CNTN4: variants seen among roughly 807,000 people sequenced by gnomAD.
The protein encoded by CNTN4 is contactin 4.
A neutral mutation model predicts 122.5 loss-of-function variants in CNTN4; 77 were observed. The observed-to-expected ratio is 0.63, with a 90% CI of 0.52 to 0.76. CNTN4 has a LOEUF of 0.76. Ranked by LOEUF, CNTN4 falls within the 30% of genes least tolerant of loss-of-function variation. CNTN4 has a pLI of 0.00. For missense variants in CNTN4, 1,256 were observed against 1,259.1 expected (o/e 1.00, Z 0.04); for synonymous variants, 512 against 447.0 (o/e 1.15, Z -1.83).
At chr3:2,166,493 T>C (rs143377332) in intron 2 of CNTN4, among the ~76,000 whole-genome samples, 8 of 152,186 alleles carry the variant, frequency 5.3e-5, no homozygotes, top group African/African-American at 1.9e-4. Context: ...ACAGCCAAAT[T>C]TGGTAACCTG....
chr3:2,246,436 A>G (rs918886874), intron 2 of CNTN4, among the ~76,000 whole-genome samples: 1 of 152,002 alleles, frequency 6.6e-6, no homozygotes, highest in Non-Finnish European at 1.5e-5. Flanking sequence ...TTGAGTAATA[A>G]AATTGCTGTG....
chr3:2,707,305 CAA>C (rs368979927), intron 4 of CNTN4, among the ~76,000 whole-genome samples: 8 of 138,762 alleles, frequency 5.8e-5, no homozygotes, highest in African/African-American at 2.1e-4. Flanking sequence ...GACCATGTCT[CAA>C]AAAAAAAAAC....
chr3:2,419,211 G>A (rs905375747), intron 3 of CNTN4, among the ~76,000 whole-genome samples: 4 of 152,126 alleles, frequency 2.6e-5, no homozygotes, highest in African/African-American at 9.7e-5. Flanking sequence ...CCTGACATGA[G>A]TTACATACCA....
intron 2 of CNTN4, among the ~76,000 whole-genome samples, chr3:2,325,714 C>A (rs2043431339): frequency 6.6e-6 from 1 of 152,188 alleles, no homozygotes; most frequent in Non-Finnish European, 1.5e-5. Flanking sequence ...GCAAGATAGC[C>A]ATTTAAGGGT....
intron 6 of CNTN4, among the ~76,000 whole-genome samples, chr3:2,747,180 C>A (rs529974498): frequency 6.6e-6 from 1 of 151,814 alleles, no homozygotes; most frequent in Non-Finnish European, 1.5e-5. Flanking sequence ...GAGGCCGAGG[C>A]GGGCGGATCA....
intron 13 of CNTN4, among the ~76,000 whole-genome samples, chr3:2,979,092 T>G (rs1188485770): frequency 6.6e-6 from 1 of 152,104 alleles, no homozygotes; most frequent in East Asian, 1.9e-4. Context: ...ATCTACGAGG[T>G]GTTCGAGCTT....
At chr3:2,656,551 A>G (rs922623487) in intron 4 of CNTN4, among the ~76,000 whole-genome samples, 2 of 152,238 alleles carry the variant, frequency 1.3e-5, no homozygotes, top group African/African-American at 4.8e-5. Flanking sequence ...GCTCTAGTAC[A>G]GTCCCTGGAG....
chr3:2,486,500 TAAAGACCAGATAATTTA>T (rs1308311136), intron 3 of CNTN4, among the ~76,000 whole-genome samples: 106 of 152,330 alleles, frequency 7.0e-4, no homozygotes, highest in African/African-American at 2.5e-3. Context: ...AGTTGTTCAC[TAAAGACCAGATAATTTA>T]ACTTGATTCT....
intron 3 of CNTN4, among the ~76,000 whole-genome samples, chr3:2,529,536 G>A (rs6778940): frequency 0.21 from 31,950 of 151,998 alleles, 3,693 homozygotes; most frequent in East Asian, 0.51. Context: ...TGTATAATAT[G>A]TATTATGATT....
chr3:2,851,078 G>C (rs1046331437), intron 7 of CNTN4, among the ~76,000 whole-genome samples: 4 of 152,146 alleles, frequency 2.6e-5, no homozygotes, highest in Non-Finnish European at 4.4e-5. Flanking sequence ...TATTTGTTAA[G>C]TTAACAACAT....
chr3:2,462,091 A>G (rs1192462367), intron 3 of CNTN4, among the ~76,000 whole-genome samples: 1 of 152,194 alleles, frequency 6.6e-6, no homozygotes, highest in Non-Finnish European at 1.5e-5. Flanking sequence ...AGTACACAAG[A>G]TAGACCCTTA....
At chr3:2,922,966 G>A (rs544793763) in intron 12 of CNTN4, among the ~76,000 whole-genome samples, 2 of 152,210 alleles carry the variant, frequency 1.3e-5, no homozygotes, top group Non-Finnish European at 2.9e-5. Flanking sequence ...GTCTTATCTC[G>A]ATAAGATATC....
intron 3 of CNTN4, among the ~76,000 whole-genome samples, chr3:2,471,854 G>A (rs1226040409): frequency 6.6e-6 from 1 of 152,124 alleles, no homozygotes. Context: ...ATTTATAAAT[G>A]CCTTATTTTC....
At chr3:2,237,086 TTTCTC>T (rs992269505) in intron 2 of CNTN4, among the ~76,000 whole-genome samples, 9 of 152,116 alleles carry the variant, frequency 5.9e-5, no homozygotes, top group African/African-American at 1.9e-4. Flanking sequence ...ATTTTGGCCT[TTTCTC>T]TATGAGTAAT....
rs1491241383 is a variant in CNTN4, at chr3:2,854,266, TTC to T, written c.455-12484_455-12483del. Among the ~76,000 whole-genome samples the T allele has an allele frequency of 7.7e-3, 805 of 104,820 alleles. 6 individuals are homozygous for T. Among genetic ancestry groups the T allele is most frequent in the African/African-American group, 0.029 (745 of 25,804 alleles). The allele number at this position is 104,820 out of a possible 152,430, so 68.8% of individuals were successfully genotyped here. ...ACTGGCATTTTATTTTTCTTTCTTC[TTC>T]TTTTTTTTTTTTTTTTTTTTTGAGA... is the stretch of plus-strand genomic sequence containing the variant. On this transcript the variant is annotated intron_variant, in intron 7 of 24. Coordinates refer to ENST00000418658, the MANE Select transcript of CNTN4 (RefSeq NM_175607.3).
chr3:2,264,230 C>G (rs1331300357), intron 2 of CNTN4, among the ~76,000 whole-genome samples: 2 of 152,150 alleles, frequency 1.3e-5, no homozygotes, highest in African/African-American at 4.8e-5. Flanking sequence ...TACATTTTCA[C>G]AAACAGTGTA....
intron 2 of CNTN4, among the ~76,000 whole-genome samples, chr3:2,177,664 GT>G (rs2036815624): frequency 1.2e-5 from 1 of 80,860 alleles, no homozygotes. Flanking sequence ...GTTTGTGTGT[GT>G]GTGTGTGTGT....
intron 4 of CNTN4, among the ~76,000 whole-genome samples, chr3:2,573,279 T>A (rs1576047029): frequency 6.6e-6 from 1 of 152,352 alleles, no homozygotes; most frequent in Non-Finnish European, 1.5e-5. Flanking sequence ...TCTACCTTCA[T>A]GTTTCAAACT....
chr3:2,708,419 G>T (rs1382649391), intron 4 of CNTN4, among the ~76,000 whole-genome samples: 1 of 152,118 alleles, frequency 6.6e-6, no homozygotes, highest in African/African-American at 2.4e-5. Flanking sequence ...AGGAATAAAG[G>T]ATTACCGTAA....
Sources: gnomAD v4.1 joint callset for allele counts (sites outside exome capture counted in the v4.1 genomes callset) on GRCh38, gnomAD v4.1.1 for gene constraint, MANE v1.5 for transcripts, NCBI Gene and HGNC (gene_info 2026-07-23, HGNC 2026-07-21) for gene names.